Variants in EPN2 observed in about 807,000 individuals in gnomAD.
EPN2 encodes the protein epsin 2.
In EPN2, 34 loss-of-function variants were observed where a neutral mutation model predicts 61.7. The observed-to-expected ratio is 0.55, with a 90% CI of 0.42 to 0.73. The LOEUF is 0.73. EPN2 is among the 30% of genes least tolerant of loss of function. EPN2 has a pLI of 0.00. For synonymous variants in EPN2, 349 were observed against 353.6 expected (o/e 0.99, Z 0.15); for missense variants, 714 against 839.2 (o/e 0.85, Z 1.84).
At position 19,313,160 on chromosome 17, in the gene EPN2, G is replaced by A. The variant is rs1906227893; in HGVS notation, c.1028G>A (p.Ser343Asn). The stretch of plus-strand genomic sequence containing the variant: ...TTGGATTTAATGGATGCTCTCCCCA[G>A]CTCGGGCCCCGCGGCCCAGAAAGCA... ...TLLDLMDALP[S>N]SGPAAQKAEP... The change falls in exon 7 of 11, where the codon AGC becomes AAC. Residue 343 changes from serine to asparagine, a missense_variant. Around this residue, in one of 2 missense-constraint regions of EPN2, gnomAD observed 410 missense variants for 421.8 expected, o/e 0.97. Coordinates refer to ENST00000314728, the MANE Select transcript of EPN2 (RefSeq NM_014964.5). 1 of 1,613,686 alleles carries A rather than the reference G, an allele frequency of 6.2e-7. No homozygotes were observed. Among genetic ancestry groups the A allele is most frequent in the Non-Finnish European group, 8.5e-7 (1 of 1,179,852 alleles).
At position 19,335,368 on chromosome 17, in the gene EPN2, C is replaced by T. The variant is rs143670238; in HGVS notation, c.*1114C>T. ...AAATCTAATGTATGAATGTGACTCACCAATTTTTATCAACTAATTCCTTTT... is the reference window on the plus strand; with the variant it reads ...AAATCTAATGTATGAATGTGACTCATCAATTTTTATCAACTAATTCCTTTT... On this transcript the variant is annotated 3_prime_UTR_variant, in exon 11 of 11. Transcript: ENST00000314728. 4.5e-6 allele frequency: 7 copies of T among 1,543,046 alleles called. No individual in the cohort carries two copies. In the East Asian group the frequency reaches 1.5e-4, roughly 32 times the overall value.
intron 7 of EPN2, among the ~76,000 whole-genome samples, chr17:19,320,024 A>ACCGT (rs1431714292): frequency 6.6e-6 from 1 of 152,246 alleles, no homozygotes; most frequent in Non-Finnish European, 1.5e-5. Flanking sequence ...AGCCTGAGGG[A>ACCGT]CCTGGGGCTC....
At chr17:19,268,060 C>G (rs1417060809) in intron 1 of EPN2, among the ~76,000 whole-genome samples, 1 of 152,240 alleles carries the variant, frequency 6.6e-6, no homozygotes, top group Non-Finnish European at 1.5e-5. Context: ...TCCCAGCTAC[C>G]TTAGTGGCAG....
At chr17:19,302,610 C>T (rs770543907) in intron 4 of EPN2, among the ~76,000 whole-genome samples, 95 of 152,282 alleles carry the variant, frequency 6.2e-4, no homozygotes, top group Non-Finnish European at 1.2e-3. Context: ...GCTCAGGGCT[C>T]CCACTGATTC....
intron 4 of EPN2, among the ~76,000 whole-genome samples, chr17:19,286,367 G>A (rs1264677500): frequency 2.6e-5 from 4 of 152,096 alleles, no homozygotes; most frequent in Non-Finnish European, 5.9e-5. Flanking sequence ...TCAATTCTAG[G>A]TCACGGTGTT....
Position 19,283,104 on chromosome 17 carries a change from A to G in EPN2, c.-16A>G, listed in dbSNP as rs372815810. On this transcript the variant is annotated 5_prime_UTR_variant, in exon 3 of 11. In the 5' UTR this introduces an upstream ATG that the reference lacks. Transcript: ENST00000314728. This position sits in a 1 kb window ranked among gnomAD's most constrained non-coding sequence, Gnocchi z 7.0. ...TCTGTTTGAAGGGCTTTAAACTTAT[A>G]ACAAAGAAAATAAAAATGACGACTT... is the stretch of plus-strand genomic sequence containing the variant. The G allele has an allele frequency of 1.9e-6, 3 of 1,593,652 alleles. No individual in the cohort carries two copies. The African/African-American group carries it at 4.1e-5, about 22-fold the overall frequency.
intron 1 of EPN2, among the ~76,000 whole-genome samples, chr17:19,247,148 C>A (rs1159316491): frequency 6.6e-6 from 1 of 152,128 alleles, no homozygotes; most frequent in African/African-American, 2.4e-5. Context: ...TGGGAAACAT[C>A]TGATTGGAGA....
rs1044444454 is a variant in EPN2, at chr17:19,298,510, G to GT, written c.767-11367dup. ...GAGCCACGGCACCCGGCCTATTTAT[G>GT]TTTTTTTTAGAGCTGGGGTCTCGCT... On this transcript the variant is annotated intron_variant, in intron 4 of 10. Transcript: ENST00000314728. 4.6e-5 allele frequency among the ~76,000 whole-genome samples: 7 copies of GT among 152,018 alleles called. No individual in the cohort carries two copies. The South Asian group carries it at 6.2e-4, about 14-fold the overall frequency.
chr17:19,310,109 A>G (rs1906048769), intron 5 of EPN2, 112 bp downstream of exon 5: 3 of 738,358 alleles, frequency 4.1e-6, no homozygotes, highest in Non-Finnish European at 7.0e-6. Flanking sequence ...CATTTCAGAT[A>G]TGCTTGCTGA....
chr17:19,294,113 G>A (rs1258353304), intron 4 of EPN2, among the ~76,000 whole-genome samples: 1 of 151,586 alleles, frequency 6.6e-6, no homozygotes, highest in East Asian at 1.9e-4. Context: ...AAGAAACAGT[G>A]CTATCAAAAT....
rs146824251 is a variant in EPN2 at position 19,278,323 on chromosome 17, C to A, written c.-293-3632C>A. On this transcript the variant is annotated intron_variant, in intron 1 of 10. Transcript: ENST00000314728. ...TTTCACACTACTGATAAAGACATAC[C>A]CGAGACTGGGAAGAAAAGGAGGTTT... is the stretch of plus-strand genomic sequence containing the variant. Among the ~76,000 whole-genome samples, 10 of 152,040 alleles carry A rather than the reference C, an allele frequency of 6.6e-5. No homozygotes were observed. The East Asian group carries it at 1.7e-3, about 27-fold the overall frequency.
At chr17:19,261,220 G>T (rs1179102052) in intron 1 of EPN2, among the ~76,000 whole-genome samples, 1 of 152,230 alleles carries the variant, frequency 6.6e-6, no homozygotes, top group Non-Finnish European at 1.5e-5. Context: ...CCCACTGGCG[G>T]TGTTGATGCC....
chr17:19,305,507 A>G (rs1905794048), intron 4 of EPN2, among the ~76,000 whole-genome samples: 1 of 152,202 alleles, frequency 6.6e-6, no homozygotes, highest in Admixed American at 6.5e-5. Flanking sequence ...TTTAATCAGC[A>G]CTATGTGACT....
chr17:19,312,950 A>G, intron 6 of EPN2, 155 bp from the exon 7 acceptor site: 1 of 703,512 alleles, frequency 1.4e-6, no homozygotes, highest in Middle Eastern at 3.1e-4. Context: ...ACGGGGAGGG[A>G]GATGGGACGG....
intron 7 of EPN2, among the ~76,000 whole-genome samples, chr17:19,320,062 G>A (rs1906572639): frequency 6.6e-6 from 1 of 152,242 alleles, no homozygotes; most frequent in Admixed American, 6.5e-5. Flanking sequence ...CTCCTCTCTG[G>A]TGAGGGCCTC....
At chr17:19,310,741 C>A (rs1044467940) in intron 5 of EPN2, among the ~76,000 whole-genome samples, 2 of 151,704 alleles carry the variant, frequency 1.3e-5, no homozygotes, top group African/African-American at 4.8e-5. Flanking sequence ...CCATGCCCGG[C>A]TAATTTTTGT....
In EPN2 at chr17:19,335,609, T is replaced by C; in HGVS notation, c.*1355T>C. On this transcript the variant is annotated 3_prime_UTR_variant, in exon 11 of 11. Coordinates refer to ENST00000314728, the MANE Select transcript of EPN2 (RefSeq NM_014964.5). ...GGTCCCTGGGCAACAGTCCCTAGGC[T>C]AAGACAGGGGTGGGGGGCTAAGGGA... is the stretch of plus-strand genomic sequence containing the variant. The C allele has an allele frequency of 1.8e-6, 1 of 547,632 alleles. No homozygotes were observed. Among genetic ancestry groups the C allele is most frequent in the East Asian group, 4.2e-5 (1 of 23,774 alleles). The allele number at this position is 547,632 out of a possible 1,614,324, so 33.9% of individuals were successfully genotyped here. A position where few individuals can be genotyped will look rare whatever the true frequency, so the allele number is the denominator to read the frequency against.
At chr17:19,251,573 A>G (rs2152202889) in intron 1 of EPN2, among the ~76,000 whole-genome samples, 1 of 152,192 alleles carries the variant, frequency 6.6e-6, no homozygotes, top group African/African-American at 2.4e-5. Context: ...AGCTGGGATT[A>G]GAGGTGCACG....
chr17:19,327,178 C>G (rs767355905), intron 7 of EPN2, among the ~76,000 whole-genome samples: 58 of 152,096 alleles, frequency 3.8e-4, no homozygotes, highest in Middle Eastern at 6.3e-3. Context: ...CCCAGCAACT[C>G]GTGTATACAT....
Sources: allele counts gnomAD v4.1 joint callset (sites outside exome capture counted in the v4.1 genomes callset), GRCh38; gene constraint gnomAD v4.1.1; regional missense constraint gnomAD v4.1.1; non-coding constraint Gnocchi (gnomAD v3.1); transcripts MANE v1.5; gene names NCBI Gene and HGNC (gene_info 2026-07-23, HGNC 2026-07-21).